ASTN1: variants seen among roughly 807,000 people sequenced by gnomAD.
The protein encoded by ASTN1 is astrotactin-1.
Under a neutral mutation model 140.7 loss-of-function variants are expected in ASTN1, and 41 were observed. The ratio of observed to expected loss-of-function variants is 0.29; its 90% CI spans 0.23 to 0.38. The LOEUF is 0.38. Among genes scored for constraint, ASTN1 ranks in the 10% least tolerant of loss-of-function variants. The probability of loss-of-function intolerance (pLI) is 1.00; values close to 1 mark genes in which losing one functional copy is unlikely to be tolerated. For synonymous variants in ASTN1, 640 were observed against 652.2 expected, an observed-to-expected ratio of 0.98 and a Z score of 0.29; for missense variants, 1,479 against 1,678.8, an observed-to-expected ratio of 0.88 and a Z score of 2.08.
At chr1:176,869,131 AAAC>A in intron 21 of ASTN1, 104 bp from the exon 22 acceptor site, 1 of 740,928 alleles carries the variant, frequency 1.3e-6, no homozygotes, top group Non-Finnish European at 1.9e-6. Flanking sequence ...TATCACATAT[AAAC>A]ATATGTAGAT....
At chr1:176,947,698 C>A (rs1672014440) in intron 12 of ASTN1, among the ~76,000 whole-genome samples, 1 of 152,206 alleles carries the variant, frequency 6.6e-6, no homozygotes, top group African/African-American at 2.4e-5. Flanking sequence ...CTGAAGCTGG[C>A]TGGTTCCCTC....
intron 1 of ASTN1, among the ~76,000 whole-genome samples, chr1:177,083,052 C>A (rs1030507907): frequency 6.6e-6 from 1 of 152,108 alleles, no homozygotes; most frequent in Non-Finnish European, 1.5e-5. Context: ...GTCAGTTTCT[C>A]ATTAGCCTTG....
downstream of ASTN1, among the ~76,000 whole-genome samples, chr1:176,860,159 C>T (rs750949043): frequency 7.9e-5 from 12 of 152,150 alleles, no homozygotes; most frequent in Non-Finnish European, 1.5e-4. Context: ...AGGCCTTTTA[C>T]GACTTAGGCT....
At chr1:177,024,093 T>C (rs2861883) in intron 6 of ASTN1, among the ~76,000 whole-genome samples, 53,345 of 152,102 alleles carry the variant, frequency 0.35, 10,154 homozygotes, top group Non-Finnish European at 0.43. Context: ...GAACCTATAT[T>C]ACTCCCTCAT....
chr1:176,917,355 C>G (rs1353120851), intron 16 of ASTN1, among the ~76,000 whole-genome samples: 3 of 152,164 alleles, frequency 2.0e-5, no homozygotes, highest in African/African-American at 4.8e-5. Context: ...ACGGTGAGAA[C>G]TGGGCAGAGT....
chr1:176,950,792 A>T (rs947617882), intron 11 of ASTN1, among the ~76,000 whole-genome samples: 8 of 152,108 alleles, frequency 5.3e-5, no homozygotes, highest in Non-Finnish European at 1.2e-4. Context: ...TGCTGTATAC[A>T]TATCGCCAAC....
rs1424855879 is a variant in ASTN1, at chr1:176,863,832, G to A, written c.*452C>T. ...CAGAGTGAGACGCTTCCTGAGGAATGCTTGAGGGTGGGGCCTGCGGCAGGC... is the reference window on the plus strand; with the variant it reads ...CAGAGTGAGACGCTTCCTGAGGAATACTTGAGGGTGGGGCCTGCGGCAGGC... On this transcript the variant is annotated 3_prime_UTR_variant, in exon 23 of 23. Coordinates refer to ENST00000361833, the MANE Select transcript of ASTN1 (RefSeq NM_004319.3). 2.0e-6 allele frequency: 2 copies of A among 996,746 alleles called. No individual in the cohort carries two copies. Among genetic ancestry groups the A allele is most frequent in the Non-Finnish European group, 2.4e-6 (2 of 835,992 alleles). 61.7% of individuals were successfully genotyped at this position (996,746 alleles called of 1,614,324 possible).
At chr1:176,939,791 A>G (rs945943427) in intron 14 of ASTN1, among the ~76,000 whole-genome samples, 2 of 149,082 alleles carry the variant, frequency 1.3e-5, no homozygotes, top group Non-Finnish European at 3.0e-5. Flanking sequence ...AGCAAGAAAA[A>G]GAAAGAATGA....
chr1:176,904,370 A>G (rs1669896950), intron 16 of ASTN1, among the ~76,000 whole-genome samples: 1 of 152,150 alleles, frequency 6.6e-6, no homozygotes. Flanking sequence ...CAAAGTCAAA[A>G]TAAACCTGAC....
chr1:176,942,563 GA>G (rs1311202797), intron 14 of ASTN1, among the ~76,000 whole-genome samples: 4 of 151,808 alleles, frequency 2.6e-5, no homozygotes, highest in Admixed American at 6.6e-5. Context: ...ATCACTAAGC[GA>G]AAGGGAAAAG....
rs1159089426 is a variant in ASTN1, at chr1:176,888,118, A to G, written c.3027T>C (p.Ala1009=). ...IEDWCRCDST[A]FGADGLPTCA... Reference sequence around the variant, plus strand: ...AGGTGGGGAGTCCATCAGCTCCAAAAGCAGTGGAGTCACATCGACACCAGT... The same window carrying G: ...AGGTGGGGAGTCCATCAGCTCCAAAGGCAGTGGAGTCACATCGACACCAGT... Residue 1009 remains alanine (A), a synonymous_variant, in exon 18 of 23, where the codon GCT becomes GCC. Transcript: ENST00000361833. The G allele has an allele frequency of 1.2e-6, 2 of 1,614,166 alleles. No individual in the cohort carries two copies. The highest frequency in any genetic ancestry group is 8.5e-7 in the Non-Finnish European group (1 of 1,180,014).
intron 1 of ASTN1, among the ~76,000 whole-genome samples, chr1:177,081,884 G>A (rs867377021): frequency 2.0e-5 from 3 of 152,142 alleles, no homozygotes; most frequent in African/African-American, 7.2e-5. Context: ...AAAGAAGAAT[G>A]GAAAACGCAG....
chr1:177,001,562 G>T (rs1212635442), intron 8 of ASTN1, among the ~76,000 whole-genome samples: 1 of 152,130 alleles, frequency 6.6e-6, no homozygotes, highest in Non-Finnish European at 1.5e-5. Flanking sequence ...AAAACACAGG[G>T]CTTTTAAGAA....
intron 20 of ASTN1, among the ~76,000 whole-genome samples, chr1:176,881,421 A>T (rs992189771): frequency 6.6e-6 from 1 of 152,156 alleles, no homozygotes; most frequent in Non-Finnish European, 1.5e-5. Flanking sequence ...CTTCTTGTAC[A>T]TTGGAACTTT....
At chr1:176,994,305 T>C (rs1235634310) in intron 8 of ASTN1, among the ~76,000 whole-genome samples, 1 of 152,134 alleles carries the variant, frequency 6.6e-6, no homozygotes, top group African/African-American at 2.4e-5. Context: ...ACACCCTGCA[T>C]TTACTTTTCC....
chr1:176,955,548 C>T (rs1672366270), intron 11 of ASTN1, among the ~76,000 whole-genome samples: 1 of 152,218 alleles, frequency 6.6e-6, no homozygotes, highest in African/African-American at 2.4e-5. Flanking sequence ...ATGCTAATAC[C>T]AAGTACTGGT....
At chr1:177,014,294 T>C (rs967759001) in intron 8 of ASTN1, among the ~76,000 whole-genome samples, 1 of 152,150 alleles carries the variant, frequency 6.6e-6, no homozygotes, top group African/African-American at 2.4e-5. Context: ...GAAATGGTAA[T>C]TGGGGATCAA....
At chr1:177,083,033 T>C (rs941714128) in intron 1 of ASTN1, among the ~76,000 whole-genome samples, 5 of 152,214 alleles carry the variant, frequency 3.3e-5, no homozygotes, top group African/African-American at 1.2e-4. Flanking sequence ...AATTTATTTT[T>C]TGTATACTGT....
At chr1:177,034,373 TG>T (rs1483685914) in intron 2 of ASTN1, among the ~76,000 whole-genome samples, 7 of 152,200 alleles carry the variant, frequency 4.6e-5, no homozygotes, top group African/African-American at 1.4e-4. Context: ...TGTGGCTTGT[TG>T]GGGACAGATG....
Sources: allele counts gnomAD v4.1 joint callset (sites outside exome capture counted in the v4.1 genomes callset), GRCh38; gene constraint gnomAD v4.1.1; transcripts MANE v1.5; gene names NCBI Gene and HGNC (gene_info 2026-07-23, HGNC 2026-07-21).